Variants in RORB observed in about 807,000 individuals in gnomAD.
RORB encodes RAR related orphan receptor B.
In RORB, 6 loss-of-function variants were observed where a neutral mutation model predicts 59.1. The observed-to-expected ratio is 0.10, with a 90% CI of 0.06 to 0.20. The LOEUF (loss-of-function observed/expected upper bound fraction) is 0.20, where lower values mean the gene tolerates loss of function less well. Among genes scored for constraint, RORB ranks in the 10% least tolerant of loss-of-function variants. The pLI is 1.00. For synonymous variants in RORB, 215 were observed against 204.5 expected (o/e 1.05, Z -0.44); for missense variants, 320 against 560.5 (o/e 0.57, Z 4.33).
At chr9:74,552,727 C>G (rs1826631737) in intron 1 of RORB, among the ~76,000 whole-genome samples, 1 of 151,884 alleles carries the variant, frequency 6.6e-6, no homozygotes, top group Admixed American at 6.6e-5. Context: ...CACGGTGCAC[C>G]CTTCTAGGCT....
chr9:74,591,970 G>T (rs1822904189), intron 1 of RORB, among the ~76,000 whole-genome samples: 1 of 152,118 alleles, frequency 6.6e-6, no homozygotes, highest in African/African-American at 2.4e-5. Flanking sequence ...GAGAGAGAGA[G>T]AGAGAGGATG....
intron 1 of RORB, among the ~76,000 whole-genome samples, chr9:74,594,323 C>T (rs1215928480): frequency 6.6e-6 from 1 of 152,126 alleles, no homozygotes; most frequent in Non-Finnish European, 1.5e-5. Flanking sequence ...GCTGTCAGCA[C>T]ACCCCTCTCA....
intron 2 of RORB, among the ~76,000 whole-genome samples, chr9:74,633,475 T>C (rs1443247477): frequency 5.3e-5 from 8 of 152,192 alleles, no homozygotes; most frequent in Non-Finnish European, 1.5e-5. Flanking sequence ...TTCCCAAAAT[T>C]TCTCTTAGAA....
At chr9:74,513,450 T>C (rs1825968163) in intron 1 of RORB, among the ~76,000 whole-genome samples, 2 of 152,084 alleles carry the variant, frequency 1.3e-5, no homozygotes, top group African/African-American at 4.8e-5. Context: ...ACCTAATAAA[T>C]ATAACATTTG....
chr9:74,554,644 C>G (rs1826666561), intron 1 of RORB, among the ~76,000 whole-genome samples: 1 of 151,802 alleles, frequency 6.6e-6, no homozygotes, highest in African/African-American at 2.4e-5. Context: ...AGCTTCAATA[C>G]AAGCTTTCTG....
At chr9:74,498,193 G>C (rs575458088) in intron 1 of RORB, 5 of 613,492 alleles carry the variant, frequency 8.2e-6, no homozygotes, top group Non-Finnish European at 1.4e-5. Flanking sequence ...CTGGAGGGAC[G>C]CGGGAGGGCG....
In RORB at chr9:74,574,701, C is replaced by A. The variant is rs188891702; in HGVS notation, c.8-55581C>A. Reference sequence around the variant, plus strand: ...CTTGTAGGTAAATTGACCATGTAACCCTGCAACCTGAAAACATCATTAAAA... The same window carrying A: ...CTTGTAGGTAAATTGACCATGTAACACTGCAACCTGAAAACATCATTAAAA... On this transcript the variant is annotated intron_variant, in intron 1 of 9. Coordinates refer to ENST00000376896, the MANE Select transcript of RORB (RefSeq NM_006914.4). 3.8e-3 allele frequency among the ~76,000 whole-genome samples: 573 copies of A among 152,166 alleles called. 1 individual carries two copies. The highest frequency in any genetic ancestry group is 4.7e-3 in the Admixed American group (72 of 15,280).
chr9:74,673,585 T>A (rs1179370971), intron 9 of RORB, among the ~76,000 whole-genome samples: 1 of 152,304 alleles, frequency 6.6e-6, no homozygotes, highest in East Asian at 1.9e-4. Context: ...TACCTCCCAC[T>A]GTCCTGGTTA....
chr9:74,592,600 G>A (rs184175542), intron 1 of RORB, among the ~76,000 whole-genome samples: 251 of 152,220 alleles, frequency 1.6e-3, no homozygotes, highest in African/African-American at 5.6e-3. Context: ...GGCTAGTAAT[G>A]GTCAGCAACA....
intron 1 of RORB, among the ~76,000 whole-genome samples, chr9:74,613,358 C>T (rs1401403730): frequency 1.3e-5 from 2 of 152,138 alleles, no homozygotes; most frequent in African/African-American, 4.8e-5. Flanking sequence ...AAAGTTTTTA[C>T]CAAATGTATC....
At chr9:74,541,455 T>G (rs1486300007) in intron 1 of RORB, among the ~76,000 whole-genome samples, 1 of 151,786 alleles carries the variant, frequency 6.6e-6, no homozygotes, top group Non-Finnish European at 1.5e-5. Flanking sequence ...AAACTTAGAG[T>G]GATGTGCATA....
At chr9:74,607,097 A>T (rs1023295253) in intron 1 of RORB, among the ~76,000 whole-genome samples, 1 of 152,194 alleles carries the variant, frequency 6.6e-6, no homozygotes, top group African/African-American at 2.4e-5. Flanking sequence ...TAAAGCAATC[A>T]AAGCTCATCC....
intron 1 of RORB, among the ~76,000 whole-genome samples, chr9:74,551,850 C>A (rs752372840): frequency 2.0e-5 from 3 of 152,058 alleles, no homozygotes; most frequent in African/African-American, 7.2e-5. Flanking sequence ...CTTTTTCACC[C>A]TTTTTTGTTG....
Position 74,602,156 on chromosome 9 carries a change from T to A in RORB, c.8-28126T>A, listed in dbSNP as rs572646461. ...ACATCACAAACCTTAGAAGGCAACC[T>A]TCACGCACTGTCTCCCCAAGCCAAA... is the stretch of plus-strand genomic sequence containing the variant. On this transcript the variant is annotated intron_variant, in intron 1 of 9. Coordinates refer to ENST00000376896, the MANE Select transcript of RORB (RefSeq NM_006914.4). Among the ~76,000 whole-genome samples, 3 of 152,264 alleles carry A rather than the reference T, an allele frequency of 2.0e-5. No individual in the cohort carries two copies. In the East Asian group the frequency reaches 5.8e-4, roughly 29 times the overall value.
At chr9:74,506,890 A>G (rs1825877499) in intron 1 of RORB, among the ~76,000 whole-genome samples, 3 of 152,136 alleles carry the variant, frequency 2.0e-5, no homozygotes, top group Admixed American at 6.6e-5. Flanking sequence ...TCCAGATAAC[A>G]TAGTGGCTAT....
In RORB at chr9:74,690,708, C is replaced by T. The variant is rs1824727400; in HGVS notation, c.*5090C>T. 6.6e-6 allele frequency: 1 copy of T among 152,096 alleles called. No individual in the cohort carries two copies. Among genetic ancestry groups the T allele is most frequent in the Non-Finnish European group, 1.5e-5 (1 of 68,002 alleles). The allele number at this position is 152,096 out of a possible 1,614,324, so 9.4% of individuals were successfully genotyped here. Reference sequence around the variant, plus strand: ...ATGGAGATCTTCCCCTTCTAATACTCAATTTTGTTTTGGTATTTGATTGTC... The same window carrying T: ...ATGGAGATCTTCCCCTTCTAATACTTAATTTTGTTTTGGTATTTGATTGTC... On this transcript the variant is annotated 3_prime_UTR_variant, in exon 10 of 10. Transcript: ENST00000376896.
chr9:74,587,362 G>T (rs1283385580), intron 1 of RORB, among the ~76,000 whole-genome samples: 3 of 152,118 alleles, frequency 2.0e-5, no homozygotes, highest in African/African-American at 7.2e-5. Flanking sequence ...TTTATTTTGG[G>T]AACTATTTAA....
At chr9:74,538,950 T>C (rs1473523586) in intron 1 of RORB, among the ~76,000 whole-genome samples, 1 of 152,118 alleles carries the variant, frequency 6.6e-6, no homozygotes, top group Non-Finnish European at 1.5e-5. Context: ...TTGAAGAAGA[T>C]AGTGGCAGCT....
intron 1 of RORB, among the ~76,000 whole-genome samples, chr9:74,510,099 T>TA (rs1489228849): frequency 6.6e-6 from 1 of 152,108 alleles, no homozygotes; most frequent in Non-Finnish European, 1.5e-5. Flanking sequence ...AACTGTACTA[T>TA]AAAAAACATA....
Sources: gnomAD v4.1 joint callset for allele counts (sites outside exome capture counted in the v4.1 genomes callset) on GRCh38, gnomAD v4.1.1 for gene constraint, MANE v1.5 for transcripts, NCBI Gene and HGNC (gene_info 2026-07-23, HGNC 2026-07-21) for gene names.